SLC19A1: variants seen among roughly 807,000 people sequenced by gnomAD.
The protein encoded by SLC19A1 is solute carrier family 19 member 1.
Under a neutral mutation model 35.3 loss-of-function variants are expected in SLC19A1, and 37 were observed. The observed-to-expected ratio is 1.05, with a 90% confidence interval of 0.81 to 1.38. The LOEUF (loss-of-function observed/expected upper bound fraction) is 1.38, where lower values mean the gene tolerates loss of function less well. SLC19A1 is among the 40% of genes most tolerant of loss of function. The pLI, the probability that SLC19A1 is intolerant of heterozygous loss-of-function variation, is 0.00. For synonymous variants in SLC19A1, 460 were observed against 398.5 expected (o/e 1.15, Z -1.84); for missense variants, 831 against 826.9 (o/e 1.00, Z -0.06).
At chr21:45,543,071 C>G (rs1569023445), upstream of SLC19A1, among the ~76,000 whole-genome samples, 1 of 152,152 alleles carries the variant, frequency 6.6e-6, no homozygotes, top group Admixed American at 6.5e-5. Context: ...TACCAAGGAG[C>G]AAGCCGGATC....
chr21:45,514,921 G>C lies in SLC19A1; in HGVS notation c.*737C>G. 1 of 1,345,544 alleles carries C rather than the reference G, an allele frequency of 7.4e-7. No homozygotes were observed. 83.4% of individuals were successfully genotyped at this position (1,345,544 alleles called of 1,614,324 possible). On this transcript the variant is annotated 3_prime_UTR_variant, in exon 6 of 6. Coordinates refer to ENST00000311124, the MANE Select transcript of SLC19A1 (RefSeq NM_194255.4). ...CAAGGCCAGCACGTCCGCGGTGACC[G>C]GGACCAGTCCCCTCCGGGCTGGCAC...
At chr21:45,529,545 G>C (rs757978048) in intron 4 of SLC19A1, among the ~76,000 whole-genome samples, 1 of 152,202 alleles carries the variant, frequency 6.6e-6, no homozygotes, top group Non-Finnish European at 1.5e-5. Context: ...GTGTCAGTGT[G>C]TGTGGTCTGA....
At chr21:45,545,378 C>G (rs552791429), upstream of SLC19A1, among the ~76,000 whole-genome samples, 15 of 151,858 alleles carry the variant, frequency 9.9e-5, no homozygotes, top group South Asian at 2.1e-4. Context: ...CGGGACCCCC[C>G]CCTTGCCCTC....
intron 4 of SLC19A1, among the ~76,000 whole-genome samples, chr21:45,526,634 C>T (rs2077630384): frequency 6.6e-6 from 1 of 152,218 alleles, no homozygotes; most frequent in Non-Finnish European, 1.5e-5. Flanking sequence ...TGCAATGGCA[C>T]AATCTCAGCT....
At chr21:45,506,763 C>T (rs368317533) in intron 3 of SLC19A1, 2,552 of 31,000 alleles carry the variant, frequency 0.082, 35 homozygotes, top group African/African-American at 0.14. Flanking sequence ...CCCACCTTCC[C>T]TCTGGAACCC....
In SLC19A1 at chr21:45,534,547, A is replaced by C. The variant is rs1274523982; in HGVS notation, c.190-2399T>G. On this transcript the variant is annotated intron_variant, in intron 2 of 5. Transcript: ENST00000311124. The surrounding 1 kb of genome is among the most constrained non-coding windows in gnomAD (Gnocchi z 4.2). Reference sequence around the variant, plus strand: ...TAGAAGCCTCACCCACCTCCGAATGAATGGAGCATGCCTCATTTCCTCTTC... The same window carrying C: ...TAGAAGCCTCACCCACCTCCGAATGCATGGAGCATGCCTCATTTCCTCTTC... 6.5e-7 allele frequency: 1 copy of C among 1,535,554 alleles called. No homozygotes were observed. Among genetic ancestry groups the C allele is most frequent in the Non-Finnish European group, 8.7e-7 (1 of 1,146,770 alleles).
intron 5 of SLC19A1, among the ~76,000 whole-genome samples, chr21:45,523,789 A>G (rs9306134): frequency 0.035 from 5,281 of 152,172 alleles, 313 homozygotes; most frequent in African/African-American, 0.12. Context: ...TGGGACGGGC[A>G]CTCCCTGCCC....
chr21:45,559,017 C>T (rs1380064334), intron 1 of SLC19A1, among the ~76,000 whole-genome samples: 1 of 152,008 alleles, frequency 6.6e-6, no homozygotes, highest in African/African-American at 2.4e-5. Flanking sequence ...CCATGTTGGC[C>T]AGGATGGTCT....
In SLC19A1 at chr21:45,530,821, G is replaced by C. The variant is rs368452775; in HGVS notation, c.1100C>G (p.Ala367Gly). 1.3e-6 allele frequency: 2 copies of C among 1,553,028 alleles called. No homozygotes were observed. Among genetic ancestry groups the C allele is most frequent in the Middle Eastern group, 1.7e-4 (1 of 5,940 alleles). Reference protein sequence around the residue: ...RHPSSIWLCYAAFVLFRGSYQ... With the variant: ...RHPSSIWLCYGAFVLFRGSYQ... ...GGAGCCGCGGAACAGCACGAAGGCCGCATAGCACAGCCAGATGCTGCTCGG... is the reference window on the plus strand; with the variant it reads ...GGAGCCGCGGAACAGCACGAAGGCCCCATAGCACAGCCAGATGCTGCTCGG... Residue 367 changes from alanine to glycine, a missense_variant, in exon 4 of 6, where the codon GCG (alanine) becomes GGG (glycine). Ala to Gly is a moderately conservative substitution (Grantham distance 60, BLOSUM62 0). Coordinates refer to ENST00000311124, the MANE Select transcript of SLC19A1 (RefSeq NM_194255.4). This position sits in a 1 kb window ranked among gnomAD's most constrained non-coding sequence, Gnocchi z 5.3.
downstream of SLC19A1, among the ~76,000 whole-genome samples, chr21:45,510,785 C>T (rs1172065201): frequency 6.6e-6 from 1 of 152,256 alleles, no homozygotes; most frequent in East Asian, 1.9e-4. Context: ...GGGCTGGGAG[C>T]AGGCGGCTGT....
At chr21:45,556,344 G>A (rs1178871965) in intron 1 of SLC19A1, among the ~76,000 whole-genome samples, 1 of 152,236 alleles carries the variant, frequency 6.6e-6, no homozygotes, top group African/African-American at 2.4e-5. Context: ...AGCGGGGCCT[G>A]TGAGGGCCGA....
At chr21:45,552,223 G>A (rs2078472890) in intron 1 of SLC19A1, among the ~76,000 whole-genome samples, 1 of 152,218 alleles carries the variant, frequency 6.6e-6, no homozygotes, top group Non-Finnish European at 1.5e-5. Flanking sequence ...CCAAAGAAGA[G>A]GCTGGGCTGC....
intron 1 of SLC19A1, among the ~76,000 whole-genome samples, chr21:45,555,554 C>T (rs1167329826): frequency 7.2e-6 from 1 of 139,668 alleles, no homozygotes; most frequent in Non-Finnish European, 1.5e-5. Flanking sequence ...GGGGCGGCGG[C>T]GAAAGGGGAC....
At chr21:45,508,547 A>C (rs1220559883), downstream of SLC19A1, among the ~76,000 whole-genome samples, 1 of 151,160 alleles carries the variant, frequency 6.6e-6, no homozygotes, top group African/African-American at 2.4e-5. Context: ...GATGGGTAGA[A>C]ATATTTTCGT....
chr21:45,502,885 T>C (rs1054512396), intron 3 of SLC19A1: 3 of 152,202 alleles, frequency 2.0e-5, no homozygotes, highest in African/African-American at 7.2e-5. Flanking sequence ...CACAAGTGGA[T>C]CTGCAGGTGA....
At chr21:45,527,694 C>T (rs1410790705) in intron 4 of SLC19A1, among the ~76,000 whole-genome samples, 2 of 71,072 alleles carry the variant, frequency 2.8e-5, no homozygotes, top group East Asian at 3.7e-4. Context: ...CCAGGCAGGG[C>T]GGGCCCTGGA....
chr21:45,511,144 T>C, downstream of SLC19A1: 1 of 1,596,422 alleles, frequency 6.3e-7, no homozygotes, highest in Non-Finnish European at 8.5e-7. Flanking sequence ...GGAGGCTCTG[T>C]TCTCAGGCTC....
rs2077778562 is a variant in SLC19A1 at position 45,529,617 on chromosome 21, GAACGTGTCCATGTGTA to G, written c.1151+1137_1151+1152del. Among the ~76,000 whole-genome samples the G allele has an allele frequency of 6.7e-4, 10 of 14,996 alleles. No homozygotes were observed. In the South Asian group the frequency reaches 0.021, roughly 31 times the overall value. 9.8% of individuals were successfully genotyped at this position (14,996 alleles called of 152,430 possible). A position where few individuals can be genotyped will look rare whatever the true frequency, so the allele number is the denominator to read the frequency against. On this transcript the variant is annotated intron_variant, in intron 4 of 5. Transcript: ENST00000311124. Reference sequence around the variant, plus strand: ...CATGTGTGAGCGTGTGTCCATGTGTGAACGTGTCCATGTGTAAACGTGTGGTGTGTCCATGTGTGAA... The same window carrying G: ...CATGTGTGAGCGTGTGTCCATGTGTGAACGTGTGGTGTGTCCATGTGTGAA...
rs112155290 is a variant in SLC19A1 at position 45,505,302 on chromosome 21, C to T, written c.498-6690G>A. The T allele has an allele frequency of 2.1e-4, 336 of 1,604,372 alleles. 1 individual carries two copies. The highest frequency in any genetic ancestry group is 1.7e-3 in the African/African-American group (130 of 74,818). ...GAGTAAGTCAGTGGGGAGTGGGCCCCGGGCAGAGGCCGCCTCGTGTGGCTT... is the reference window on the plus strand; with the variant it reads ...GAGTAAGTCAGTGGGGAGTGGGCCCTGGGCAGAGGCCGCCTCGTGTGGCTT... On this transcript the variant is annotated intron_variant, in intron 3 of 4. Coordinates refer to the SLC19A1 transcript ENST00000417954.
Sources: allele counts gnomAD v4.1 joint callset (sites outside exome capture counted in the v4.1 genomes callset), GRCh38; gene constraint gnomAD v4.1.1; non-coding constraint Gnocchi (gnomAD v3.1); transcripts MANE v1.5; gene names NCBI Gene and HGNC (gene_info 2026-07-23, HGNC 2026-07-21).